The following TMPRSS11D variants were observed in gnomAD, a reference collection of about 807,000 sequenced individuals.
The protein encoded by TMPRSS11D is transmembrane serine protease 11D, also known as transmembrane protease serine 11D.
A neutral mutation model predicts 44.4 loss-of-function variants in TMPRSS11D; 32 were observed. That is an observed-to-expected ratio of 0.72 (90% confidence interval 0.54 to 0.97). The LOEUF (loss-of-function observed/expected upper bound fraction) is 0.97, where lower values mean the gene tolerates loss of function less well. Among genes scored for constraint, TMPRSS11D ranks in the 50% least tolerant of loss-of-function variants. TMPRSS11D has a pLI of 0.00. For synonymous variants in TMPRSS11D, 179 were observed against 177.9 expected, an observed-to-expected ratio of 1.01 and a Z score of -0.05; for missense variants, 446 against 502.6, an observed-to-expected ratio of 0.89 and a Z score of 1.08.
intron 2 of TMPRSS11D, among the ~76,000 whole-genome samples, chr4:67,857,282 T>A (rs1718664306): frequency 3.3e-4 from 1 of 3,010 alleles, no homozygotes. Context: ...TATATATATA[T>A]ATATATATAT....
chr4:67,833,423 CCTTTA>C, intron 6 of TMPRSS11D, 42 bp from the exon 7 acceptor site: 1 of 1,370,876 alleles, frequency 7.3e-7, no homozygotes, highest in Non-Finnish European at 9.5e-7. Context: ...GATCATGATT[CCTTTA>C]CATTTGGAAG....
chr4:67,833,370 C>A lies in TMPRSS11D; in HGVS notation c.526G>T (p.Gly176Cys). Residue 176 changes from glycine (G) to cysteine (C), a missense_variant, in exon 7 of 10, where the codon GGT becomes TGT. Physicochemically the swap from Gly to Cys is radical, Grantham distance 159. Coordinates refer to ENST00000283916, the MANE Select transcript of TMPRSS11D (RefSeq NM_004262.3). ...ANWLINECGA[G>C]PDLITLSEQR... ...TCAGACAATGTTATTAGGTCTGGAC[C>A]GGCCCCACATTCTAATGAGAAAGGG... The A allele has an allele frequency of 6.6e-7, 1 of 1,517,708 alleles. No individual in the cohort carries two copies. The highest frequency in any genetic ancestry group is 8.8e-7 in the Non-Finnish European group (1 of 1,133,242). The allele number at this position is 1,517,708 out of a possible 1,614,324, so 94.0% of individuals were successfully genotyped here. A position where few individuals can be genotyped will look rare whatever the true frequency, so the allele number is the denominator to read the frequency against.
rs976675050 is a variant in TMPRSS11D, at chr4:67,833,233, C to T, written c.663G>A (p.Trp221Ter). 1 of 1,550,652 alleles carries T rather than the reference C, an allele frequency of 6.4e-7. No homozygotes were observed. Among genetic ancestry groups the T allele is most frequent in the Non-Finnish European group, 8.7e-7 (1 of 1,150,264 alleles). ...HCGGSLINNM[W>*]ILTAAHCFRS... ...TGAAGCAGTGAGCTGCTGTCAGGAT[C>T]CACATGTTATTGATCAGGCTGCCTC... The change falls in exon 7 of 10, where the codon TGG becomes TGA. Residue 221 changes from tryptophan (W) to a stop codon, truncating the protein, a stop_gained. Coordinates refer to ENST00000283916, the MANE Select transcript of TMPRSS11D (RefSeq NM_004262.3). LOFTEE classifies it high-confidence loss of function.
At position 67,821,599 on chromosome 4, in the gene TMPRSS11D, G is replaced by T. The variant is rs1717643625; in HGVS notation, c.*738C>A. 6.6e-6 allele frequency: 1 copy of T among 152,080 alleles called. No homozygotes were observed. Among genetic ancestry groups the T allele is most frequent in the Non-Finnish European group, 1.5e-5 (1 of 68,024 alleles). The allele number at this position is 152,080 out of a possible 1,614,324, so 9.4% of individuals were successfully genotyped here. A position where few individuals can be genotyped will look rare whatever the true frequency, so the allele number is the denominator to read the frequency against. On this transcript the variant is annotated 3_prime_UTR_variant, in exon 10 of 10. Coordinates refer to ENST00000283916, the MANE Select transcript of TMPRSS11D (RefSeq NM_004262.3). Reference sequence around the variant, plus strand: ...TATTTCTTAGCTTCTCTATAAAATAGATATAGTCTCTCCTTTATGTAGATG... The same window carrying T: ...TATTTCTTAGCTTCTCTATAAAATATATATAGTCTCTCCTTTATGTAGATG...
chr4:67,823,410 G>A (rs1413831473), intron 9 of TMPRSS11D, among the ~76,000 whole-genome samples: 1 of 152,118 alleles, frequency 6.6e-6, no homozygotes, highest in Non-Finnish European at 1.5e-5. Context: ...AAGTCTGTGG[G>A]TTCTGAAACT....
At position 67,881,155 on chromosome 4, in the gene TMPRSS11D, T is replaced by C. The variant is rs79830075; in HGVS notation, c.8+2771A>G. 1.8e-4 allele frequency among the ~76,000 whole-genome samples: 27 copies of C among 152,330 alleles called. No individual in the cohort carries two copies. In the East Asian group the frequency reaches 4.8e-3, roughly 27 times the overall value. ...GAGCAATACCTTTTAAGAAATTGGATTGGATAACTGTAGGTTCCCTTACAG... is the reference window on the plus strand; with the variant it reads ...GAGCAATACCTTTTAAGAAATTGGACTGGATAACTGTAGGTTCCCTTACAG... On this transcript the variant is annotated intron_variant, in intron 1 of 9. Coordinates refer to ENST00000283916, the MANE Select transcript of TMPRSS11D (RefSeq NM_004262.3).
chr4:67,850,950 A>C (rs547661166), intron 3 of TMPRSS11D, among the ~76,000 whole-genome samples: 15 of 152,196 alleles, frequency 9.9e-5, no homozygotes, highest in Non-Finnish European at 1.8e-4. Context: ...CACTGGACCC[A>C]TGTGGCAGGT....
At chr4:67,863,848 C>T (rs2109693142) in intron 1 of TMPRSS11D, among the ~76,000 whole-genome samples, 1 of 152,100 alleles carries the variant, frequency 6.6e-6, no homozygotes, top group East Asian at 1.9e-4. Context: ...ATTATAGAGG[C>T]AACTGAAGTA....
intron 1 of TMPRSS11D, among the ~76,000 whole-genome samples, chr4:67,868,659 G>C (rs1386683536): frequency 6.6e-6 from 1 of 152,182 alleles, no homozygotes; most frequent in Non-Finnish European, 1.5e-5. Context: ...AGAAAAATAA[G>C]TCTGGTCAAG....
At chr4:67,825,711 A>G in intron 9 of TMPRSS11D, 21 bp downstream of exon 9, 1 of 1,611,332 alleles carries the variant, frequency 6.2e-7, no homozygotes, top group Non-Finnish European at 8.5e-7. Flanking sequence ...GATGACATGG[A>G]TGAGATTGTC....
intron 2 of TMPRSS11D, among the ~76,000 whole-genome samples, chr4:67,858,800 T>C (rs1250980490): frequency 6.6e-6 from 1 of 152,190 alleles, no homozygotes; most frequent in African/African-American, 2.4e-5. Context: ...TAGTAAAATT[T>C]GACACATTTT....
chr4:67,872,307 CT>C (rs1357580504), intron 1 of TMPRSS11D, among the ~76,000 whole-genome samples: 1 of 151,812 alleles, frequency 6.6e-6, no homozygotes, highest in Non-Finnish European at 1.5e-5. Flanking sequence ...TTTTCATTTT[CT>C]TTCCTTTTTC....
intron 5 of TMPRSS11D, among the ~76,000 whole-genome samples, chr4:67,837,562 T>C (rs1718122455): frequency 6.6e-6 from 1 of 152,166 alleles, no homozygotes; most frequent in South Asian, 2.1e-4. Flanking sequence ...ACTAGCAGAA[T>C]GTAACCAACT....
chr4:67,837,124 A>G (rs1718109206), intron 5 of TMPRSS11D, among the ~76,000 whole-genome samples: 1 of 152,110 alleles, frequency 6.6e-6, no homozygotes, highest in Non-Finnish European at 1.5e-5. Context: ...GGAGGTGGAA[A>G]CCGCTATTCT....
intron 4 of TMPRSS11D, among the ~76,000 whole-genome samples, chr4:67,839,968 C>A (rs961403927): frequency 7.1e-6 from 1 of 141,278 alleles, no homozygotes; most frequent in East Asian, 2.1e-4. Context: ...TCTCCTAATG[C>A]TATCCCTCCC....
intron 6 of TMPRSS11D, 102 bp from the exon 7 acceptor site, chr4:67,833,483 CA>C: frequency 9.0e-7 from 1 of 1,116,692 alleles, no homozygotes; most frequent in Non-Finnish European, 1.2e-6. Context: ...ATGTCTTATA[CA>C]TTCTTCCTCA....
rs201995425 is a variant in TMPRSS11D, at chr4:67,833,349, A to G, written c.547T>C (p.Ser183Pro). The G allele has an allele frequency of 6.3e-7, 1 of 1,584,528 alleles. No homozygotes were observed. Among genetic ancestry groups the G allele is most frequent in the Non-Finnish European group, 8.6e-7 (1 of 1,166,306 alleles). Residue 183 changes from serine (S) to proline (P), a missense_variant, in exon 7 of 10, where the codon TCT becomes CCT. By Grantham distance (74) the Ser-to-Pro change is moderately conservative (BLOSUM62 -1). Coordinates refer to ENST00000283916, the MANE Select transcript of TMPRSS11D (RefSeq NM_004262.3). ...GTGCCTCCAAGGATTCTCTGCTCAG[A>G]CAATGTTATTAGGTCTGGACCGGCC... ...CGAGPDLITL[S>P]EQRILGGTEA... is the part of the protein sequence containing the mutation.
chr4:67,852,559 T>G (rs1718534046), intron 3 of TMPRSS11D, among the ~76,000 whole-genome samples: 1 of 152,130 alleles, frequency 6.6e-6, no homozygotes, highest in Non-Finnish European at 1.5e-5. Flanking sequence ...TTAATACATT[T>G]TTTTCTCTAG....
At chr4:67,841,583 G>A (rs1413205511) in intron 4 of TMPRSS11D, among the ~76,000 whole-genome samples, 1 of 152,102 alleles carries the variant, frequency 6.6e-6, no homozygotes, top group Non-Finnish European at 1.5e-5. Context: ...AGTGATAAGT[G>A]GGAAGTGAAC....
Sources: gnomAD v4.1 joint callset for allele counts (sites outside exome capture counted in the v4.1 genomes callset) on GRCh38, gnomAD v4.1.1 for gene constraint, MANE v1.5 for transcripts, NCBI Gene and HGNC (gene_info 2026-07-23, HGNC 2026-07-21) for gene names.